Variants in TRPM3 observed in about 807,000 individuals in gnomAD.
TRPM3 encodes long transient receptor potential channel 3.
TRPM3 carries 77 observed loss-of-function variants against 181.2 expected under a neutral mutation model. The observed-to-expected ratio is 0.42, with a 90% CI of 0.35 to 0.51. The LOEUF (loss-of-function observed/expected upper bound fraction) is 0.51, where lower values mean the gene tolerates loss of function less well. TRPM3 is among the 20% of genes least tolerant of loss of function. The pLI is 0.01. For synonymous variants in TRPM3, 745 were observed against 796.4 expected, an observed-to-expected ratio of 0.94 and a Z score of 1.09; for missense variants, 1,759 against 2,196.7, an observed-to-expected ratio of 0.80 and a Z score of 3.98.
chr9:70,635,629 A>AT (rs1191327361), intron 11 of TRPM3, among the ~76,000 whole-genome samples: 3 of 145,032 alleles, frequency 2.1e-5, no homozygotes, highest in Admixed American at 1.4e-4. Flanking sequence ...CTTTTGATAA[A>AT]ATTTTTTTTT....
intron 4 of TRPM3, among the ~76,000 whole-genome samples, chr9:70,845,954 C>A (rs1370329738): frequency 6.6e-6 from 1 of 152,156 alleles, no homozygotes; most frequent in Non-Finnish European, 1.5e-5. Context: ...TAGACTTTGC[C>A]TTTATGTCCC....
At chr9:71,066,420 C>T (rs1437753141) in intron 1 of TRPM3, among the ~76,000 whole-genome samples, 1 of 152,122 alleles carries the variant, frequency 6.6e-6, no homozygotes, top group East Asian at 1.9e-4. Context: ...CAAGAAATTG[C>T]CCATTAACTT....
At chr9:70,923,330 T>G (rs564319923) in intron 1 of TRPM3, among the ~76,000 whole-genome samples, 1 of 152,154 alleles carries the variant, frequency 6.6e-6, no homozygotes, top group African/African-American at 2.4e-5. Context: ...TGTCCTATTT[T>G]GGGATGATGG....
At chr9:70,742,463 C>A (rs1463886477) in intron 8 of TRPM3, among the ~76,000 whole-genome samples, 2 of 141,988 alleles carry the variant, frequency 1.4e-5, no homozygotes, top group Admixed American at 7.2e-5. Context: ...CTCCTTCTAG[C>A]TGTTTGAACT....
rs770376068 is a variant in TRPM3, at chr9:70,598,568, C to T, written c.2899G>A (p.Gly967Arg). 3.7e-6 allele frequency: 6 copies of T among 1,614,192 alleles called. No homozygotes were observed. The highest frequency in any genetic ancestry group is 2.2e-5 in the East Asian group (1 of 44,888). ...TGGTCTTGGAGACGAAGGATCATTC[C>T]GACAGAAAACAGAAGGATGGCGATG... is the stretch of plus-strand genomic sequence containing the variant. ...DLIAILLFSV[G>R]MILRLQDQPF... Residue 967 changes from glycine (G) to arginine (R), a missense_variant, in exon 21 of 26, where the codon GGA (glycine) becomes AGA (arginine). By Grantham distance (125) the Gly-to-Arg change is moderately radical. Around this residue, in one of 8 missense-constraint regions of TRPM3, gnomAD observed 100 missense variants for 123.0 expected, o/e 0.81. Coordinates refer to ENST00000677713, the MANE Select transcript of TRPM3 (RefSeq NM_001366145.2).
At chr9:70,918,131 T>C (rs2096620043) in intron 1 of TRPM3, among the ~76,000 whole-genome samples, 1 of 152,170 alleles carries the variant, frequency 6.6e-6, no homozygotes, top group Non-Finnish European at 1.5e-5. Context: ...TATAAAGCAA[T>C]GATTATTAGA....
intron 1 of TRPM3, among the ~76,000 whole-genome samples, chr9:71,439,072 T>A (rs565319248): frequency 6.6e-6 from 1 of 152,294 alleles, no homozygotes; most frequent in East Asian, 1.9e-4. Context: ...CCCAAGAATG[T>A]CAATAAACTA....
chr9:71,443,485 T>C (rs967879524), intron 1 of TRPM3, among the ~76,000 whole-genome samples: 2 of 152,202 alleles, frequency 1.3e-5, no homozygotes, highest in African/African-American at 4.8e-5. Flanking sequence ...AGGGCAGCAC[T>C]GCTTCTGCCT....
chr9:71,357,570 T>C (rs2091954353), intron 1 of TRPM3, among the ~76,000 whole-genome samples: 1 of 152,124 alleles, frequency 6.6e-6, no homozygotes, highest in Non-Finnish European at 1.5e-5. Context: ...ATTAACAGCA[T>C]GCATTTTCCA....
At chr9:71,209,966 G>T (rs2079383436) in intron 1 of TRPM3, among the ~76,000 whole-genome samples, 1 of 152,110 alleles carries the variant, frequency 6.6e-6, no homozygotes, top group Non-Finnish European at 1.5e-5. Context: ...GACAAAGTTT[G>T]CCAACTTCTG....
chr9:70,808,522 TA>T (rs1303267292), intron 6 of TRPM3, among the ~76,000 whole-genome samples: 1 of 152,242 alleles, frequency 6.6e-6, no homozygotes, highest in Admixed American at 6.5e-5. Context: ...CCCTCAAAGT[TA>T]TTTTTTTGGC....
chr9:70,612,040 T>C (rs549909475), intron 18 of TRPM3, among the ~76,000 whole-genome samples: 2 of 152,264 alleles, frequency 1.3e-5, no homozygotes, highest in Non-Finnish European at 2.9e-5. Context: ...ATGAGGGTAA[T>C]AAAGTACTCA....
intron 9 of TRPM3, among the ~76,000 whole-genome samples, chr9:70,661,781 T>C (rs1488492250): frequency 2.0e-5 from 3 of 151,772 alleles, no homozygotes; most frequent in Non-Finnish European, 4.4e-5. Flanking sequence ...ATAAGTGAAA[T>C]AAACAAATGG....
chr9:71,418,942 G>A (rs2093684682), intron 1 of TRPM3, among the ~76,000 whole-genome samples: 2 of 143,182 alleles, frequency 1.4e-5, no homozygotes, highest in African/African-American at 2.5e-5. Flanking sequence ...ATATATATAT[G>A]TATTATATAT....
intron 1 of TRPM3, among the ~76,000 whole-genome samples, chr9:71,148,128 T>C (rs534444086): frequency 2.0e-5 from 3 of 152,210 alleles, no homozygotes; most frequent in East Asian, 1.9e-4. Flanking sequence ...AAAATCTCAA[T>C]TTATTACAGT....
chr9:70,890,653 T>C (rs975647290), intron 1 of TRPM3, among the ~76,000 whole-genome samples: 4 of 152,030 alleles, frequency 2.6e-5, no homozygotes, highest in Admixed American at 6.6e-5. Context: ...CTTGAAATTA[T>C]GAGGAAAAGA....
intron 1 of TRPM3, among the ~76,000 whole-genome samples, chr9:71,241,377 T>C (rs2081659784): frequency 6.6e-6 from 1 of 151,852 alleles, no homozygotes; most frequent in Non-Finnish European, 1.5e-5. Context: ...ACCATCATTC[T>C]CAGCAAACTA....
At chr9:71,177,969 T>C (rs908150644) in intron 1 of TRPM3, among the ~76,000 whole-genome samples, 11 of 151,922 alleles carry the variant, frequency 7.2e-5, no homozygotes, top group African/African-American at 2.7e-4. Flanking sequence ...AAACTTCCTT[T>C]GCTAGCAGAT....
chr9:70,984,151 T>G (rs1019488533), intron 1 of TRPM3, among the ~76,000 whole-genome samples: 1 of 152,214 alleles, frequency 6.6e-6, no homozygotes, highest in South Asian at 2.1e-4. Flanking sequence ...ACAAGCTACA[T>G]AAATTTTAAC....
Sources: allele counts gnomAD v4.1 joint callset (sites outside exome capture counted in the v4.1 genomes callset), GRCh38; gene constraint gnomAD v4.1.1; regional missense constraint gnomAD v4.1.1; transcripts MANE v1.5; gene names NCBI Gene and HGNC (gene_info 2026-07-23, HGNC 2026-07-21).